Variants in SLIT2 observed in about 807,000 individuals in gnomAD.
SLIT2 encodes slit guidance ligand 2, also known as slit homolog 2 protein.
A neutral mutation model predicts 185.7 loss-of-function variants in SLIT2; 41 were observed. That is an observed-to-expected ratio of 0.22 (90% CI 0.17 to 0.29). The LOEUF is 0.29. SLIT2 is among the 10% of genes least tolerant of loss of function. SLIT2 has a pLI of 1.00. For synonymous variants in SLIT2, 693 were observed against 680.2 expected (o/e 1.02, Z -0.29); for missense variants, 1,571 against 1,909.0 (o/e 0.82, Z 3.30).
intron 15 of SLIT2, among the ~76,000 whole-genome samples, chr4:20,527,964 G>T (rs1259740122): frequency 6.6e-6 from 1 of 151,880 alleles, no homozygotes; most frequent in Non-Finnish European, 1.5e-5. Flanking sequence ...TTTTCAAGAA[G>T]AAACCACAGA....
intron 11 of SLIT2, among the ~76,000 whole-genome samples, chr4:20,518,557 G>GTGTGTGTATATATATATATATATA (rs1271279922): frequency 2.8e-4 from 5 of 17,848 alleles, no homozygotes; most frequent in Admixed American, 1.1e-3. Flanking sequence ...CAGCCTATAT[G>GTGTGTGTATATATATATATATATA]TATATATATA....
chr4:20,340,073 T>C (rs1720835904), intron 4 of SLIT2, among the ~76,000 whole-genome samples: 1 of 152,212 alleles, frequency 6.6e-6, no homozygotes, highest in Admixed American at 6.5e-5. Context: ...TCTTTCTCTT[T>C]TTAAAATTTT....
intron 4 of SLIT2, among the ~76,000 whole-genome samples, chr4:20,396,736 C>T (rs1725923050): frequency 1.3e-5 from 2 of 150,210 alleles, no homozygotes; most frequent in East Asian, 3.9e-4. Context: ...GACAAAACCA[C>T]CCCTATTTAT....
At chr4:20,313,123 T>C (rs1718271036) in intron 4 of SLIT2, among the ~76,000 whole-genome samples, 1 of 152,208 alleles carries the variant, frequency 6.6e-6, no homozygotes, top group Non-Finnish European at 1.5e-5. Context: ...AGTGGCTGTA[T>C]TAGTCTGTTT....
At chr4:20,451,915 G>T (rs534505663) in intron 4 of SLIT2, among the ~76,000 whole-genome samples, 9 of 152,274 alleles carry the variant, frequency 5.9e-5, no homozygotes, top group African/African-American at 2.2e-4. Flanking sequence ...AAGAGATTCA[G>T]TGTAAGTATG....
At chr4:20,297,289 C>T (rs1169037595) in intron 4 of SLIT2, among the ~76,000 whole-genome samples, 2 of 152,090 alleles carry the variant, frequency 1.3e-5, no homozygotes, top group Admixed American at 1.3e-4. Flanking sequence ...AATGGATTTG[C>T]CTGATGTGAA....
At chr4:20,326,746 C>CTT (rs59509608) in intron 4 of SLIT2, among the ~76,000 whole-genome samples, 2,170 of 54,626 alleles carry the variant, frequency 0.04, 211 homozygotes, top group African/African-American at 0.11. Context: ...ATTCTGAAAC[C>CTT]TTTTTTTTTT....
intron 29 of SLIT2, among the ~76,000 whole-genome samples, chr4:20,577,372 A>G (rs535696647): frequency 1.3e-5 from 2 of 152,364 alleles, no homozygotes; most frequent in East Asian, 1.9e-4. Flanking sequence ...ACCTACATTT[A>G]TAGCATATTT....
intron 14 of SLIT2, among the ~76,000 whole-genome samples, chr4:20,524,803 G>T (rs1426023241): frequency 5.3e-5 from 8 of 151,742 alleles, no homozygotes; most frequent in Admixed American, 4.6e-4. Flanking sequence ...ATGAAAGGCT[G>T]CCATCATTCA....
At chr4:20,558,649 A>G (rs1266501271) in intron 26 of SLIT2, among the ~76,000 whole-genome samples, 1 of 151,982 alleles carries the variant, frequency 6.6e-6, no homozygotes. Flanking sequence ...ACCTACGTAC[A>G]TCTTTGTGTA....
intron 18 of SLIT2, among the ~76,000 whole-genome samples, chr4:20,538,048 C>G (rs1183907631): frequency 6.6e-6 from 1 of 152,230 alleles, no homozygotes; most frequent in East Asian, 1.9e-4. Flanking sequence ...CAAGCTCCAC[C>G]TCCCGGGTTC....
At position 20,426,892 on chromosome 4, in the gene SLIT2, G is replaced by A. The variant is rs372744475; in HGVS notation, c.396-40860G>A. The stretch of plus-strand genomic sequence containing the variant: ...CCCAGAGAAATAACAGTTACAGAGA[G>A]GCAGGTAAATTGCCCAGGGTCTCAG... On this transcript the variant is annotated intron_variant, in intron 4 of 36. Coordinates refer to ENST00000504154, the MANE Select transcript of SLIT2 (RefSeq NM_004787.4). Among the ~76,000 whole-genome samples the A allele has an allele frequency of 4.6e-5, 7 of 152,258 alleles. No individual in the cohort carries two copies. In the East Asian group the frequency reaches 1.4e-3, roughly 29 times the overall value.
chr4:20,318,073 T>C (rs534828423), intron 4 of SLIT2, among the ~76,000 whole-genome samples: 8 of 152,282 alleles, frequency 5.3e-5, no homozygotes, highest in African/African-American at 1.9e-4. Flanking sequence ...GCTTGCCTTG[T>C]TCTTACATCA....
chr4:20,468,261 A>G (rs1307202122), intron 5 of SLIT2, among the ~76,000 whole-genome samples: 1 of 152,102 alleles, frequency 6.6e-6, no homozygotes, highest in Non-Finnish European at 1.5e-5. Flanking sequence ...AATATGGACT[A>G]TTATTTTCTG....
intron 29 of SLIT2, among the ~76,000 whole-genome samples, chr4:20,580,482 A>G (rs1278604704): frequency 6.6e-6 from 1 of 152,024 alleles, no homozygotes; most frequent in Non-Finnish European, 1.5e-5. Context: ...GTTCAAGATC[A>G]TCTGCAAACT....
intron 4 of SLIT2, among the ~76,000 whole-genome samples, chr4:20,316,082 C>G (rs1718551280): frequency 6.6e-6 from 1 of 151,978 alleles, no homozygotes; most frequent in Non-Finnish European, 1.5e-5. Flanking sequence ...GTGAGCTAGG[C>G]AAAACATAAA....
intron 2 of SLIT2, among the ~76,000 whole-genome samples, chr4:20,257,397 A>G (rs1711960324): frequency 6.6e-6 from 1 of 152,052 alleles, no homozygotes; most frequent in Non-Finnish European, 1.5e-5. Flanking sequence ...GTAGCCATAC[A>G]GTTTTGACCA....
At chr4:20,472,295 G>GATATCTATATCT (rs1490379502) in intron 5 of SLIT2, among the ~76,000 whole-genome samples, 2 of 25,882 alleles carry the variant, frequency 7.7e-5, no homozygotes, top group African/African-American at 5.2e-4. Context: ...TAGATATATA[G>GATATCTATATCT]ATATATAGAT....
intron 17 of SLIT2, chr4:20,533,340 G>A: frequency 1.9e-6 from 1 of 518,638 alleles, no homozygotes; most frequent in African/African-American, 1.9e-5. Context: ...GGAGACCCTT[G>A]GAGAGTATGA....
Sources: allele counts gnomAD v4.1 joint callset (sites outside exome capture counted in the v4.1 genomes callset), GRCh38; gene constraint gnomAD v4.1.1; transcripts MANE v1.5; gene names NCBI Gene and HGNC (gene_info 2026-07-23, HGNC 2026-07-21).